CNTN6: variants seen among roughly 807,000 people sequenced by gnomAD.
CNTN6 encodes the protein contactin-6.
A neutral mutation model predicts 122.8 loss-of-function variants in CNTN6; 137 were observed. The observed-to-expected ratio is 1.12, with a 90% CI of 0.97 to 1.29. The LOEUF (loss-of-function observed/expected upper bound fraction) is 1.29, where lower values mean the gene tolerates loss of function less well. Ranked by LOEUF, CNTN6 falls within the 50% of genes most tolerant of loss-of-function variation. The pLI is 0.00. For missense variants in CNTN6, 1,634 were observed against 1,223.4 expected, an observed-to-expected ratio of 1.34 and a Z score of -5.01; for synonymous variants, 570 against 426.0, an observed-to-expected ratio of 1.34 and a Z score of -4.16.
intron 2 of CNTN6, among the ~76,000 whole-genome samples, chr3:1,201,210 T>A (rs1319739837): frequency 2.0e-5 from 3 of 150,992 alleles, no homozygotes; most frequent in Non-Finnish European, 2.9e-5. Context: ...TGAGTTCAAG[T>A]GAACCACTCA....
chr3:1,337,831 T>A (rs566044128), intron 11 of CNTN6, among the ~76,000 whole-genome samples: 1 of 152,236 alleles, frequency 6.6e-6, no homozygotes, highest in South Asian at 2.1e-4. Flanking sequence ...CACATGAAGA[T>A]GTAACAAGCT....
chr3:1,383,533 C>T (rs1275863595), intron 19 of CNTN6, 125 bp downstream of exon 19: 4 of 724,308 alleles, frequency 5.5e-6, no homozygotes, highest in African/African-American at 5.3e-5. Context: ...AAAGCTAAAG[C>T]AGAGAATGAA....
chr3:1,298,015 G>T (rs1696579866), intron 7 of CNTN6, 24 bp downstream of exon 7: 1 of 1,139,240 alleles, frequency 8.8e-7, no homozygotes, highest in Non-Finnish European at 1.2e-6. Context: ...TTTTGTTTTT[G>T]TTTTCCTGGT....
intron 4 of CNTN6, among the ~76,000 whole-genome samples, chr3:1,273,936 T>C (rs77416432): frequency 4.3e-4 from 66 of 152,338 alleles, no homozygotes; most frequent in African/African-American, 1.5e-3. Flanking sequence ...CCTAGGATTG[T>C]GGAGCACTGA....
At chr3:1,366,192 G>T (rs1337365440) in intron 12 of CNTN6, among the ~76,000 whole-genome samples, 1 of 152,108 alleles carries the variant, frequency 6.6e-6, no homozygotes, top group African/African-American at 2.4e-5. Flanking sequence ...CCTACAAATG[G>T]CTAAGGAATA....
chr3:1,191,106 T>C (rs1192556154), intron 2 of CNTN6, among the ~76,000 whole-genome samples: 3 of 152,194 alleles, frequency 2.0e-5, no homozygotes, highest in Admixed American at 6.5e-5. Context: ...CCTAAAACTC[T>C]TACAATTTCC....
intron 2 of CNTN6, 115 bp downstream of exon 2, chr3:1,148,178 G>A (rs1421957933): frequency 1.4e-5 from 11 of 768,102 alleles, no homozygotes; most frequent in Non-Finnish European, 2.2e-5. Context: ...GAATGACTAA[G>A]TGATAATGTT....
Position 1,403,331 on chromosome 3 carries a change from A to G in CNTN6, c.3000A>G (p.Arg1000=), listed in dbSNP as rs751123771. The change falls in exon 23 of 23, where the codon AGA becomes AGG. Residue 1000 remains arginine (R), a synonymous_variant. Transcript: ENST00000446702. ...TATATTTTGCAGGTTTGAGTTCCAG[A>G]GGAATTCAATTCTTAGAACCTAGCA... The part of the protein sequence containing the change: ...RIPKMSSLSS[R]GIQFLEPSTH... 7 of 1,606,138 alleles carry G rather than the reference A, an allele frequency of 4.4e-6. No individual in the cohort carries two copies. The South Asian group carries it at 7.7e-5, about 18-fold the overall frequency.
intron 17 of CNTN6, among the ~76,000 whole-genome samples, chr3:1,380,605 T>C (rs1210676428): frequency 6.6e-6 from 1 of 152,158 alleles, no homozygotes; most frequent in South Asian, 2.1e-4. Context: ...ACGCTTTTTA[T>C]TTAAAGGGCC....
At chr3:1,199,323 G>T (rs2093826305) in intron 2 of CNTN6, among the ~76,000 whole-genome samples, 1 of 151,946 alleles carries the variant, frequency 6.6e-6, no homozygotes, top group Non-Finnish European at 1.5e-5. Flanking sequence ...GGGACTACAG[G>T]TGTATGCCAC....
At chr3:1,099,639 GA>G (rs1317410278) in intron 1 of CNTN6, among the ~76,000 whole-genome samples, 1 of 152,004 alleles carries the variant, frequency 6.6e-6, no homozygotes, top group Non-Finnish European at 1.5e-5. Context: ...TTTTCATTAA[GA>G]ATATCAAGTC....
chr3:1,096,511 A>G (rs1413526258), intron 1 of CNTN6, among the ~76,000 whole-genome samples: 4 of 152,156 alleles, frequency 2.6e-5, no homozygotes, highest in African/African-American at 7.2e-5. Flanking sequence ...CATCTTTCAT[A>G]TCCAAATTTC....
At chr3:1,179,155 C>A (rs914443426) in intron 2 of CNTN6, among the ~76,000 whole-genome samples, 7 of 152,048 alleles carry the variant, frequency 4.6e-5, no homozygotes, top group Non-Finnish European at 8.8e-5. Flanking sequence ...TCGTTTTAAA[C>A]AACCAAATCT....
chr3:1,312,402 C>A (rs974890004), intron 7 of CNTN6, among the ~76,000 whole-genome samples: 3 of 151,940 alleles, frequency 2.0e-5, no homozygotes, highest in Non-Finnish European at 4.4e-5. Context: ...TCTCAGGAGA[C>A]CCACAGTTCT....
intron 1 of CNTN6, among the ~76,000 whole-genome samples, chr3:1,101,378 A>G (rs908823994): frequency 6.6e-6 from 1 of 152,106 alleles, no homozygotes; most frequent in African/African-American, 2.4e-5. Context: ...GGCTATGTGT[A>G]CTTCTTAAAG....
intron 11 of CNTN6, among the ~76,000 whole-genome samples, chr3:1,331,164 C>T (rs772832546): frequency 2.2e-4 from 33 of 151,962 alleles, no homozygotes; most frequent in Non-Finnish European, 3.8e-4. Flanking sequence ...ATTCCATTTA[C>T]ACAATGAAGT....
intron 11 of CNTN6, among the ~76,000 whole-genome samples, chr3:1,337,884 C>T (rs929599067): frequency 3.3e-5 from 5 of 152,062 alleles, no homozygotes; most frequent in African/African-American, 1.2e-4. Flanking sequence ...TTCATTTTCC[C>T]CTCTTGCCAT....
intron 19 of CNTN6, among the ~76,000 whole-genome samples, chr3:1,384,814 T>TAG (rs1559990765): frequency 2.2e-5 from 3 of 138,202 alleles, no homozygotes; most frequent in African/African-American, 5.3e-5. Context: ...CACACACACA[T>TAG]ATATATATAT....
At chr3:1,281,517 T>A (rs1267144091) in intron 5 of CNTN6, among the ~76,000 whole-genome samples, 1 of 148,844 alleles carries the variant, frequency 6.7e-6, no homozygotes, top group Non-Finnish European at 1.5e-5. Context: ...TAAGCTGGAG[T>A]GCAGTGGCCC....
Sources: allele counts gnomAD v4.1 joint callset (sites outside exome capture counted in the v4.1 genomes callset), GRCh38; gene constraint gnomAD v4.1.1; transcripts MANE v1.5; gene names NCBI Gene and HGNC (gene_info 2026-07-23, HGNC 2026-07-21).